PLEKHB2: variants seen among roughly 807,000 people sequenced by gnomAD.
PLEKHB2 encodes pleckstrin homology domain-containing family B member 2.
PLEKHB2 carries 31 observed loss-of-function variants against 36.5 expected under a neutral mutation model. The ratio of observed to expected loss-of-function variants is 0.85; its 90% confidence interval spans 0.64 to 1.15. PLEKHB2 has a LOEUF of 1.15. Among genes scored for constraint, PLEKHB2 ranks in the 50% most tolerant of loss-of-function variants. PLEKHB2 has a pLI of 0.00. For missense variants in PLEKHB2, 262 were observed against 295.3 expected (o/e 0.89, Z 0.83); for synonymous variants, 119 against 112.0 (o/e 1.06, Z -0.39).
chr2:131,140,140 A>C, intron 6 of PLEKHB2, 27 bp from the exon 7 acceptor site: 8 of 1,367,838 alleles, frequency 5.8e-6, no homozygotes, highest in African/African-American at 1.4e-5. Context: ...TCACAATTGT[A>C]TTTCTAATGG....
Position 131,148,033 on chromosome 2 carries a change from C to T in PLEKHB2, c.*1260C>T, listed in dbSNP as rs998018370. The T allele has an allele frequency of 6.6e-6, 1 of 152,258 alleles. No homozygotes were observed. The highest frequency in any genetic ancestry group is 2.4e-5 in the African/African-American group (1 of 41,422). The allele number at this position is 152,258 out of a possible 1,614,324, so 9.4% of individuals were successfully genotyped here. A position where few individuals can be genotyped will look rare whatever the true frequency, so the allele number is the denominator to read the frequency against. ...GGGGGTTTGCACTGTGCGGGAGATG[C>T]TCTCTCATCACTCTGAAGGCCCATC... On this transcript the variant is annotated 3_prime_UTR_variant, in exon 8 of 8. Transcript: ENST00000693505.
At chr2:131,130,024 G>A (rs1186951656) in intron 4 of PLEKHB2, among the ~76,000 whole-genome samples, 2 of 151,920 alleles carry the variant, frequency 1.3e-5, no homozygotes, top group African/African-American at 4.8e-5. Flanking sequence ...AGGGTAATAG[G>A]GATGTTAATA....
At chr2:131,133,701 G>A (rs571604126) in intron 6 of PLEKHB2, among the ~76,000 whole-genome samples, 2 of 152,262 alleles carry the variant, frequency 1.3e-5, no homozygotes, top group East Asian at 3.9e-4. Context: ...CCCTTTAATA[G>A]TCATGCCATC....
chr2:131,114,058 C>G (rs763413616), intron 1 of PLEKHB2, among the ~76,000 whole-genome samples: 2 of 152,092 alleles, frequency 1.3e-5, no homozygotes, highest in Non-Finnish European at 2.9e-5. Context: ...TGTCTTAGAA[C>G]TTTCAAAATG....
chr2:131,123,766 A>ACCCCCCCCC (rs796669454), intron 2 of PLEKHB2, among the ~76,000 whole-genome samples: 1 of 11,530 alleles, frequency 8.7e-5, no homozygotes, highest in Admixed American at 8.6e-4. Context: ...CTCCTGGTCC[A>ACCCCCCCCC]CCCCCCCCAC....
chr2:131,129,324 CAAAAAAAAAAAAAAAAAAA>C (rs1168039416), intron 4 of PLEKHB2, among the ~76,000 whole-genome samples: 3 of 49,932 alleles, frequency 6.0e-5, no homozygotes, highest in Non-Finnish European at 1.1e-4. Context: ...GACTCCATCT[CAAAAAAAAAAAAAAAAAAA>C]AAAAAAAAAG....
At chr2:131,143,712 T>A (rs1441364395) in intron 7 of PLEKHB2, among the ~76,000 whole-genome samples, 2 of 152,162 alleles carry the variant, frequency 1.3e-5, no homozygotes, top group Non-Finnish European at 2.9e-5. Flanking sequence ...TATGAATAAT[T>A]TTCCTTTGCA....
intron 4 of PLEKHB2, among the ~76,000 whole-genome samples, chr2:131,128,235 A>G (rs755656642): frequency 2.6e-5 from 4 of 152,182 alleles, no homozygotes; most frequent in Admixed American, 6.5e-5. Flanking sequence ...GAAATAACTC[A>G]TACTTTATGA....
At chr2:131,114,211 C>T (rs1252122459) in intron 1 of PLEKHB2, among the ~76,000 whole-genome samples, 1 of 152,090 alleles carries the variant, frequency 6.6e-6, no homozygotes, top group African/African-American at 2.4e-5. Flanking sequence ...CTGCAAGCTC[C>T]GCCTCCTGGG....
At chr2:131,120,900 T>A (rs1052716858) in intron 1 of PLEKHB2, 34 bp from the exon 2 acceptor site, 2 of 1,607,210 alleles carry the variant, frequency 1.2e-6, no homozygotes, top group Admixed American at 1.7e-5. Flanking sequence ...TCTTTCTGGG[T>A]ATGATTTTGA....
At chr2:131,124,808 C>T (rs1400861621) in intron 2 of PLEKHB2, among the ~76,000 whole-genome samples, 4 of 150,318 alleles carry the variant, frequency 2.7e-5, no homozygotes, top group East Asian at 3.9e-4. Flanking sequence ...TTTTTGGAGA[C>T]GGAGTGTTGC....
intron 4 of PLEKHB2, among the ~76,000 whole-genome samples, chr2:131,129,526 T>C (rs1202668710): frequency 1.3e-5 from 2 of 152,038 alleles, no homozygotes; most frequent in Non-Finnish European, 2.9e-5. Flanking sequence ...TTTTTTGAGA[T>C]GGAGTTTCGC....
intron 3 of PLEKHB2, 110 bp downstream of exon 3, chr2:131,126,015 G>A (rs1044451859): frequency 7.2e-6 from 8 of 1,106,086 alleles, no homozygotes; most frequent in Admixed American, 2.4e-5. Flanking sequence ...TTGAAGAAGG[G>A]CTCCATCTCA....
chr2:131,109,563 G>A (rs1027968730), intron 1 of PLEKHB2, among the ~76,000 whole-genome samples: 2 of 151,880 alleles, frequency 1.3e-5, no homozygotes, highest in Admixed American at 6.6e-5. Context: ...GGTGGTGGGC[G>A]CCTGTAATCC....
chr2:131,111,281 C>G (rs1695292575), intron 1 of PLEKHB2, among the ~76,000 whole-genome samples: 1 of 151,324 alleles, frequency 6.6e-6, no homozygotes, highest in East Asian at 2.0e-4. Flanking sequence ...CTGTGATTAA[C>G]AGGTATGAGC....
chr2:131,143,595 G>A (rs1323674034), intron 7 of PLEKHB2, among the ~76,000 whole-genome samples: 2 of 152,178 alleles, frequency 1.3e-5, no homozygotes, highest in African/African-American at 4.8e-5. Context: ...CTGATGCAGT[G>A]GTTTATCTGT....
chr2:131,137,553 T>C (rs1283342458), intron 6 of PLEKHB2, among the ~76,000 whole-genome samples: 1 of 152,182 alleles, frequency 6.6e-6, no homozygotes, highest in Non-Finnish European at 1.5e-5. Flanking sequence ...GTAGAGTTCT[T>C]TATGGTGTTT....
At chr2:131,146,421 G>A (rs1266037197) in intron 7 of PLEKHB2, among the ~76,000 whole-genome samples, 1 of 152,072 alleles carries the variant, frequency 6.6e-6, no homozygotes, top group East Asian at 1.9e-4. Context: ...TGCAGATTAG[G>A]GACTTTGGCC....
chr2:131,147,980 A>C lies in PLEKHB2; in HGVS notation c.*1207A>C, dbSNP rs1452936579. ...AGTGAGGGAGTGGAAGGAGAGCCTT[A>C]GTTAGAGCGTTCCCATTTCTGGCCT... On this transcript the variant is annotated 3_prime_UTR_variant, in exon 8 of 8. Coordinates refer to ENST00000693505, the MANE Select transcript of PLEKHB2 (RefSeq NM_001100623.2). The C allele has an allele frequency of 6.6e-6, 1 of 152,276 alleles. No homozygotes were observed. The highest frequency in any genetic ancestry group is 1.5e-5 in the Non-Finnish European group (1 of 68,228). 9.4% of individuals were successfully genotyped at this position (152,276 alleles called of 1,614,324 possible).
Sources: allele counts gnomAD v4.1 joint callset (sites outside exome capture counted in the v4.1 genomes callset), GRCh38; gene constraint gnomAD v4.1.1; transcripts MANE v1.5; gene names NCBI Gene and HGNC (gene_info 2026-07-23, HGNC 2026-07-21).